Variants in UNC13D observed in about 807,000 individuals in gnomAD.
UNC13D encodes protein unc-13 homolog D.
UNC13D carries 115 observed loss-of-function variants against 151.7 expected under a neutral mutation model. The observed-to-expected ratio is 0.76, with a 90% CI of 0.65 to 0.88. The LOEUF (loss-of-function observed/expected upper bound fraction) is 0.88, where lower values mean the gene tolerates loss of function less well. Ranked by LOEUF, UNC13D falls within the 40% of genes least tolerant of loss-of-function variation. The pLI is 0.00. For missense variants in UNC13D, 1,369 were observed against 1,438.7 expected, an observed-to-expected ratio of 0.95 and a Z score of 0.78; for synonymous variants, 588 against 612.2, an observed-to-expected ratio of 0.96 and a Z score of 0.58.
In UNC13D at chr17:75,833,468, TATC is replaced by T. The variant is rs61411654; in HGVS notation, c.2368-426_2368-424del. Among the ~76,000 whole-genome samples, 27,208 of 152,076 alleles carry T rather than the reference TATC, an allele frequency of 0.18. 4,238 individuals carry two copies. Among genetic ancestry groups the T allele is most frequent in the African/African-American group, 0.42 (17,188 of 41,386 alleles). On this transcript the variant is annotated intron_variant, in intron 24 of 31. Coordinates refer to ENST00000207549, the MANE Select transcript of UNC13D (RefSeq NM_199242.3). This position sits in a 1 kb window ranked among gnomAD's most constrained non-coding sequence, Gnocchi z 4.0. ...CTGTTTTAAATTTTCTCTGTAGACT[TATC>T]ATTATCTAGCACACTGCATGTGTGT...
At position 75,828,787 on chromosome 17, in the gene UNC13D, C is replaced by T. The variant is rs1232542382; in HGVS notation, c.3151G>A (p.Gly1051Arg). Residue 1051 changes from glycine (G) to arginine (R), a missense_variant and splice_region_variant, in exon 31 of 32, where the codon GGG becomes AGG. Gly to Arg is a moderately radical substitution (Grantham distance 125, BLOSUM62 -2). Transcript: ENST00000207549. ...RLPLTYPAPN[G>R]DPILQLLEGR... ...CACCCTGCCCTGGGCTCAGGCCTAC[C>T]GTTGGGTGCGGGGTACGTGAGGGGC... The T allele has an allele frequency of 2.0e-6, 3 of 1,537,392 alleles. No individual in the cohort carries two copies. The highest frequency in any genetic ancestry group is 4.9e-5 in the East Asian group (2 of 40,848).
At chr17:75,828,650 A>AG in intron 31 of UNC13D, 137 bp downstream of exon 31, 1 of 976,570 alleles carries the variant, frequency 1.0e-6, no homozygotes, top group Non-Finnish European at 1.4e-6. Flanking sequence ...TTAGACCGAG[A>AG]GATGGGCCGT....
intron 21 of UNC13D, 49 bp from the exon 22 acceptor site, chr17:75,834,765 G>A: frequency 6.2e-7 from 1 of 1,609,566 alleles, no homozygotes; most frequent in East Asian, 2.2e-5. Flanking sequence ...GGGGCATCCA[G>A]GAAGGGCAGG....
rs748471717 is a variant in UNC13D at position 75,827,920 on chromosome 17, T to A, written c.*45A>T. ...GCCCCAGACCCTACAGGAAAGCCCT[T>A]GCAAGTCCCCACCGGGGACCCAGCC... is the stretch of plus-strand genomic sequence containing the variant. On this transcript the variant is annotated 3_prime_UTR_variant, in exon 32 of 32. Coordinates refer to ENST00000207549, the MANE Select transcript of UNC13D (RefSeq NM_199242.3). 2 of 1,599,134 alleles carry A rather than the reference T, an allele frequency of 1.3e-6. No homozygotes were observed. The highest frequency in any genetic ancestry group is 4.5e-5 in the East Asian group (2 of 44,070).
intron 20 of UNC13D, 80 bp from the exon 21 acceptor site, chr17:75,835,143 TC>T: frequency 1.3e-6 from 2 of 1,581,126 alleles, no homozygotes; most frequent in South Asian, 2.3e-5. Context: ...GCAGCTACCA[TC>T]ACCAGGCACA....
intron 6 of UNC13D, 92 bp from the exon 7 acceptor site, chr17:75,841,093 G>A: frequency 1.6e-6 from 2 of 1,279,914 alleles, no homozygotes; most frequent in Non-Finnish European, 2.2e-6. Flanking sequence ...CCATGGAGTT[G>A]TAGCCTATCC....
Position 75,834,322 on chromosome 17 carries a change from T to C in UNC13D, c.2298+3A>G, listed in dbSNP as rs773604668. On this transcript the variant is annotated splice_donor_region_variant and intron_variant, in intron 23 of 31. Transcript: ENST00000207549. ...GGGGTGACTGTGCGGTCGGACAAGG[T>C]ACCTGCTCGGCCAGGGTGCGGACGC... 7 of 1,594,298 alleles carry C rather than the reference T, an allele frequency of 4.4e-6. No homozygotes were observed. The Admixed American group carries it at 1.0e-4, about 23-fold the overall frequency.
intron 29 of UNC13D, 88 bp from the exon 30 acceptor site, chr17:75,830,239 C>A: frequency 6.4e-7 from 1 of 1,554,884 alleles, no homozygotes; most frequent in South Asian, 1.2e-5. Flanking sequence ...GGCACTGACC[C>A]CTCCTGGTAA....
In UNC13D at chr17:75,828,161, G is replaced by A. The variant is rs534520865; in HGVS notation, c.3152-75C>T. The A allele has an allele frequency of 3.5e-5, 53 of 1,519,972 alleles. No homozygotes were observed. In the South Asian group the frequency reaches 4.9e-4, roughly 14 times the overall value. 94.2% of individuals were successfully genotyped at this position (1,519,972 alleles called of 1,614,324 possible). A position where few individuals can be genotyped will look rare whatever the true frequency, so the allele number is the denominator to read the frequency against. ...CTGGTGGTGGCAGAGAAGAGTGTGTGGGGGGGTACACAACACTGCTCCATC... is the reference window on the plus strand; with the variant it reads ...CTGGTGGTGGCAGAGAAGAGTGTGTAGGGGGGTACACAACACTGCTCCATC... On this transcript the variant is annotated intron_variant, in intron 31 of 31. Transcript: ENST00000207549.
Position 75,827,795 on chromosome 17 carries a change from A to C in UNC13D, c.*170T>G. 1 of 1,481,572 alleles carries C rather than the reference A, an allele frequency of 6.7e-7. No individual in the cohort carries two copies. The allele number at this position is 1,481,572 out of a possible 1,614,324, so 91.8% of individuals were successfully genotyped here. ...GTAGAGATGTCGCTGCTGAGCCCCC[A>C]TCACCATGGGAGGCAGGGGAGGTCT... On this transcript the variant is annotated 3_prime_UTR_variant, in exon 32 of 32. Coordinates refer to ENST00000207549, the MANE Select transcript of UNC13D (RefSeq NM_199242.3).
intron 30 of UNC13D, 70 bp downstream of exon 30, chr17:75,829,958 G>C: frequency 6.4e-7 from 1 of 1,552,696 alleles, no homozygotes; most frequent in Non-Finnish European, 8.7e-7. Flanking sequence ...CAGCCAGGAG[G>C]AGCAGGCCTG....
chr17:75,840,342 G>C lies in UNC13D; in HGVS notation c.754-13C>G. The stretch of plus-strand genomic sequence containing the variant: ...GGCAGCGCAGGTCCTGACAGGCGGG[G>C]ATGCCCAGCCCGTGAGCGTCAGAAC... On this transcript the variant is annotated splice_polypyrimidine_tract_variant and intron_variant, in intron 9 of 31. Coordinates refer to ENST00000207549, the MANE Select transcript of UNC13D (RefSeq NM_199242.3). The surrounding 1 kb of genome is among the most constrained non-coding windows in gnomAD (Gnocchi z 4.6). 1 of 1,612,994 alleles carries C rather than the reference G, an allele frequency of 6.2e-7. No homozygotes were observed. Among genetic ancestry groups the C allele is most frequent in the Admixed American group, 1.7e-5 (1 of 59,990 alleles).
chr17:75,838,061 C>T (rs35181076), intron 12 of UNC13D, among the ~76,000 whole-genome samples: 7 of 152,156 alleles, frequency 4.6e-5, no homozygotes, highest in Non-Finnish European at 4.4e-5. Context: ...GAATCACCCA[C>T]CTGCCTGAGG....
Position 75,843,382 on chromosome 17 carries a change from C to A in UNC13D, c.153+102G>T, listed in dbSNP as rs1000448534. The A allele has an allele frequency of 2.6e-6, 4 of 1,564,792 alleles. No homozygotes were observed. The African/African-American group carries it at 4.1e-5, about 16-fold the overall frequency. ...GCGGAGGGAGTTGAGACCCAGGAGT[C>A]CCCTCCCCACCGCAAGTTGCTTGCT... On this transcript the variant is annotated intron_variant, in intron 2 of 31. Transcript: ENST00000207549.
rs1381687570 is a variant in UNC13D at position 75,833,751 on chromosome 17, T to C, written c.2367+324A>G. Among the ~76,000 whole-genome samples the C allele has an allele frequency of 1.3e-5, 2 of 152,180 alleles. No homozygotes were observed. Among genetic ancestry groups the C allele is most frequent in the African/African-American group, 4.8e-5 (2 of 41,440 alleles). On this transcript the variant is annotated intron_variant, in intron 24 of 31. Coordinates refer to ENST00000207549, the MANE Select transcript of UNC13D (RefSeq NM_199242.3). This position sits in a 1 kb window ranked among gnomAD's most constrained non-coding sequence, Gnocchi z 4.0. ...CCAGTCGAAGGTGTGCATCATGATA[T>C]GCCCCCACTTACAGGTCAGCTGGCT...
In UNC13D at chr17:75,840,904, C is replaced by G; in HGVS notation, c.614+53G>C. The G allele has an allele frequency of 6.2e-7, 1 of 1,614,054 alleles. No homozygotes were observed. The highest frequency in any genetic ancestry group is 8.5e-7 in the Non-Finnish European group (1 of 1,180,010). On this transcript the variant is annotated intron_variant, in intron 7 of 31. Coordinates refer to ENST00000207549, the MANE Select transcript of UNC13D (RefSeq NM_199242.3). This position sits in a 1 kb window ranked among gnomAD's most constrained non-coding sequence, Gnocchi z 4.6. The stretch of plus-strand genomic sequence containing the variant: ...TCTTCCAGGAGGAGGTTCCGCCTCT[C>G]TCACCCCAGATCCCTTCCCTTCCCA...
At chr17:75,831,451 C>G in intron 25 of UNC13D, 103 bp from the exon 26 acceptor site, 1 of 1,057,512 alleles carries the variant, frequency 9.5e-7, no homozygotes, top group Non-Finnish European at 1.4e-6. Context: ...GACCCAGCCC[C>G]ACCCCAGCTC....
At chr17:75,836,284 A>G in intron 15 of UNC13D, 28 bp from the exon 16 acceptor site, 1 of 1,612,986 alleles carries the variant, frequency 6.2e-7, no homozygotes, top group Non-Finnish European at 8.5e-7. Context: ...GTGAGCAGGG[A>G]GGGACTGCCA....
In UNC13D at chr17:75,836,590, C is replaced by T. The variant is rs200661413; in HGVS notation, c.1280G>A (p.Arg427Gln). Residue 427 changes from arginine (R) to glutamine (Q), a missense_variant, in exon 14 of 32, where the codon CGG becomes CAG. By Grantham distance (43) the Arg-to-Gln change is conservative. Around this residue, in one of 3 missense-constraint regions of UNC13D, gnomAD observed 550 missense variants for 609.0 expected, o/e 0.90. Coordinates refer to ENST00000207549, the MANE Select transcript of UNC13D (RefSeq NM_199242.3). ...CACTGACCTGAGAAGAGACTGCAGC[C>T]GGGCTGGGGAGTCCGAGACAGAGAG... The part of the protein sequence containing the change: ...FPLSVSDSPA[R>Q]LQSLLRVLVQ... 8.7e-5 allele frequency: 141 copies of T among 1,613,714 alleles called. No homozygotes were observed. Among genetic ancestry groups the T allele is most frequent in the East Asian group, 2.5e-4 (11 of 44,882 alleles).
Sources: allele counts gnomAD v4.1 joint callset (sites outside exome capture counted in the v4.1 genomes callset), GRCh38; gene constraint gnomAD v4.1.1; regional missense constraint gnomAD v4.1.1; non-coding constraint Gnocchi (gnomAD v3.1); transcripts MANE v1.5; gene names NCBI Gene and HGNC (gene_info 2026-07-23, HGNC 2026-07-21).